The following RIMS2 variants were observed in gnomAD, a reference collection of about 807,000 sequenced individuals.
RIMS2 encodes the protein regulating synaptic membrane exocytosis protein 2.
Under a neutral mutation model 174.4 loss-of-function variants are expected in RIMS2, and 59 were observed. The ratio of observed to expected loss-of-function variants is 0.34; its 90% CI spans 0.27 to 0.42. The LOEUF (loss-of-function observed/expected upper bound fraction) is 0.42, where lower values mean the gene tolerates loss of function less well. RIMS2 is among the 10% of genes least tolerant of loss of function. The pLI is 1.00. For synonymous variants in RIMS2, 606 were observed against 572.5 expected (o/e 1.06, Z -0.84); for missense variants, 1,620 against 1,666.3 (o/e 0.97, Z 0.48).
At chr8:103,521,192 G>A (rs1371218334) in intron 1 of RIMS2, among the ~76,000 whole-genome samples, 2 of 150,554 alleles carry the variant, frequency 1.3e-5, no homozygotes, top group South Asian at 4.2e-4. Context: ...GCTAAATGAG[G>A]AGTTAATGGG....
chr8:103,797,140 A>T (rs1346831087), intron 3 of RIMS2, among the ~76,000 whole-genome samples: 3 of 152,186 alleles, frequency 2.0e-5, no homozygotes, highest in Non-Finnish European at 2.9e-5. Flanking sequence ...AAGATTGTTA[A>T]GTGAGGGTGT....
chr8:104,144,742 T>C (rs903386011), intron 19 of RIMS2, among the ~76,000 whole-genome samples: 4 of 152,284 alleles, frequency 2.6e-5, no homozygotes, highest in Middle Eastern at 3.4e-3. Context: ...TCATATCTCT[T>C]CATTCTTCTT....
intron 2 of RIMS2, among the ~76,000 whole-genome samples, chr8:103,724,956 C>T (rs772741105): frequency 2.0e-5 from 3 of 152,078 alleles, no homozygotes; most frequent in Admixed American, 6.6e-5. Flanking sequence ...GGGAGTGGAC[C>T]ACCCCGGCTA....
chr8:103,618,040 T>C (rs1436174901), intron 1 of RIMS2, among the ~76,000 whole-genome samples: 1 of 152,150 alleles, frequency 6.6e-6, no homozygotes. Flanking sequence ...GGTATGCAAA[T>C]GTTCATTGTA....
intron 2 of RIMS2, among the ~76,000 whole-genome samples, chr8:103,704,388 A>G (rs1480237064): frequency 2.0e-5 from 3 of 151,834 alleles, no homozygotes; most frequent in Admixed American, 1.3e-4. Flanking sequence ...TTTTGCATCT[A>G]TGTTCGTTCA....
At chr8:104,091,171 A>T (rs2097649768) in intron 19 of RIMS2, among the ~76,000 whole-genome samples, 1 of 151,862 alleles carries the variant, frequency 6.6e-6, no homozygotes, top group Non-Finnish European at 1.5e-5. Flanking sequence ...ATGTAGCCAG[A>T]ATTCAAATGA....
At chr8:104,171,546 T>C (rs576764281) in intron 19 of RIMS2, among the ~76,000 whole-genome samples, 1 of 152,154 alleles carries the variant, frequency 6.6e-6, no homozygotes, top group Non-Finnish European at 1.5e-5. Context: ...ATTTGTATCC[T>C]GGATTTTTAA....
chr8:104,014,829 C>T (rs913691851), intron 19 of RIMS2, among the ~76,000 whole-genome samples: 1 of 152,018 alleles, frequency 6.6e-6, no homozygotes, highest in Admixed American at 6.6e-5. Context: ...TGCTCTTGCA[C>T]ATTTTTAAAT....
intron 19 of RIMS2, among the ~76,000 whole-genome samples, chr8:104,173,400 A>G (rs1461400422): frequency 6.6e-6 from 1 of 152,042 alleles, no homozygotes; most frequent in Admixed American, 6.6e-5. Flanking sequence ...GCAGTTTGGG[A>G]AGTTCTGCCC....
chr8:103,525,036 G>A (rs1833308782), intron 1 of RIMS2, among the ~76,000 whole-genome samples: 1 of 152,202 alleles, frequency 6.6e-6, no homozygotes, highest in South Asian at 2.1e-4. Context: ...AATCTTTAGA[G>A]AGGATAGTCT....
chr8:103,903,957 T>C (rs974940873), intron 4 of RIMS2, among the ~76,000 whole-genome samples: 1 of 152,140 alleles, frequency 6.6e-6, no homozygotes, highest in African/African-American at 2.4e-5. Context: ...ATTAAGAAAC[T>C]AATACTGGAA....
chr8:104,188,273 G>GATAGATAGATAGATAGATAGATA (rs60940097), intron 19 of RIMS2, among the ~76,000 whole-genome samples: 3 of 130,670 alleles, frequency 2.3e-5, no homozygotes, highest in Non-Finnish European at 1.6e-5. Flanking sequence ...ATAGATAGAT[G>GATAGATAGATAGATAGATAGATA]GATGAAGTAT....
At chr8:103,719,668 A>ATT (rs1564398897) in intron 2 of RIMS2, among the ~76,000 whole-genome samples, 1 of 152,212 alleles carries the variant, frequency 6.6e-6, no homozygotes, top group East Asian at 1.9e-4. Context: ...GAGAAATGAA[A>ATT]TTTTTTAAAC....
chr8:104,136,963 A>G (rs778455471), intron 19 of RIMS2, among the ~76,000 whole-genome samples: 7 of 152,314 alleles, frequency 4.6e-5, no homozygotes, highest in East Asian at 1.9e-4. Context: ...AAAAAATTCA[A>G]TTGTACTCAT....
intron 2 of RIMS2, among the ~76,000 whole-genome samples, chr8:103,747,202 A>G (rs2097830889): frequency 6.7e-6 from 1 of 149,198 alleles, no homozygotes; most frequent in Non-Finnish European, 1.5e-5. Flanking sequence ...CTAACTCGTC[A>G]TCTAGCATTA....
intron 1 of RIMS2, among the ~76,000 whole-genome samples, chr8:103,595,144 A>G (rs1357139836): frequency 1.3e-5 from 2 of 151,990 alleles, no homozygotes; most frequent in East Asian, 3.9e-4. Context: ...GTGGAAAATT[A>G]CTACAATAAT....
Position 103,850,708 on chromosome 8 carries a change from C to T in RIMS2, c.699-34590C>T, listed in dbSNP as rs146452388. Among the ~76,000 whole-genome samples, 10 of 152,056 alleles carry T rather than the reference C, an allele frequency of 6.6e-5. No individual in the cohort carries two copies. The East Asian group carries it at 9.7e-4, about 15-fold the overall frequency. On this transcript the variant is annotated intron_variant, in intron 3 of 23. Transcript: ENST00000504942. ...TATATTTCTGGCTACAACTCTTAAA[C>T]GAACAGAGCTAAGAAACAGTCTTGG...
chr8:104,129,734 A>G (rs555991650), intron 19 of RIMS2, among the ~76,000 whole-genome samples: 1 of 152,326 alleles, frequency 6.6e-6, no homozygotes, highest in African/African-American at 2.4e-5. Flanking sequence ...AGCACTTGCC[A>G]TGTTTTACCT....
chr8:103,873,117 C>T (rs6990477), intron 3 of RIMS2, among the ~76,000 whole-genome samples: 7,437 of 152,136 alleles, frequency 0.049, 604 homozygotes, highest in African/African-American at 0.17. Context: ...ATAGGATATC[C>T]TCCTTTTTAC....
Sources: gnomAD v4.1 joint callset for allele counts (sites outside exome capture counted in the v4.1 genomes callset) on GRCh38, gnomAD v4.1.1 for gene constraint, MANE v1.5 for transcripts, NCBI Gene and HGNC (gene_info 2026-07-23, HGNC 2026-07-21) for gene names.